DNAH2: variants seen among roughly 807,000 people sequenced by gnomAD.
The protein encoded by DNAH2 is dynein axonemal heavy chain 2.
A neutral mutation model predicts 523.5 loss-of-function variants in DNAH2; 323 were observed. The ratio of observed to expected loss-of-function variants is 0.62; its 90% CI spans 0.56 to 0.68. DNAH2 has a LOEUF of 0.68. Ranked by LOEUF, DNAH2 falls within the 30% of genes least tolerant of loss-of-function variation. DNAH2 has a pLI of 0.00. For synonymous variants in DNAH2, 2,093 were observed against 2,177.4 expected (o/e 0.96, Z 1.08); for missense variants, 4,907 against 5,701.5 (o/e 0.86, Z 4.49).
chr17:7,763,211 T>C (rs376870602), intron 18 of DNAH2, among the ~76,000 whole-genome samples: 1 of 152,260 alleles, frequency 6.6e-6, no homozygotes, highest in East Asian at 1.9e-4. Flanking sequence ...CAGGCTGGAG[T>C]GCAGTGGCGC....
rs2076794361 is a variant in DNAH2, at chr17:7,788,121, G to C, written c.6777G>C (p.Lys2259Asn). The part of the protein sequence containing the change: ...EVEPLQRMFE[K>N]LINKMLAFKK... ...AGCCCCTTCAACGCATGTTCGAAAA[G>C]CTCATCAACAAGATGCTGGCCTTTA... Residue 2259 changes from lysine to asparagine, a missense_variant, in exon 44 of 86, where the codon AAG becomes AAC. Lys to Asn is a moderately conservative substitution (Grantham distance 94). This residue lies in a region of DNAH2 where 2,806 missense variants were observed against 3,190.8 expected (regional missense o/e 0.88). Coordinates refer to ENST00000572933, the MANE Select transcript of DNAH2 (RefSeq NM_020877.5). 1.2e-6 allele frequency: 2 copies of C among 1,614,116 alleles called. No homozygotes were observed. The highest frequency in any genetic ancestry group is 2.2e-5 in the East Asian group (1 of 44,896).
At chr17:7,813,100 A>C (rs927518877) in intron 63 of DNAH2, among the ~76,000 whole-genome samples, 2 of 152,234 alleles carry the variant, frequency 1.3e-5, no homozygotes, top group African/African-American at 4.8e-5. Context: ...GAACAGGGTT[A>C]GGAGGAAGAT....
intron 20 of DNAH2, among the ~76,000 whole-genome samples, chr17:7,764,840 A>ATTTT (rs35687021): frequency 8.0e-4 from 21 of 26,272 alleles, no homozygotes; most frequent in Non-Finnish European, 1.4e-3. Context: ...CAGCTTTTGG[A>ATTTT]TTTTTTTTTT....
At chr17:7,742,862 G>GTGGTC in intron 11 of DNAH2, 66 bp from the exon 12 acceptor site, 1 of 1,230,972 alleles carries the variant, frequency 8.1e-7, no homozygotes, top group Non-Finnish European at 1.1e-6. Flanking sequence ...GTAGGTCTCA[G>GTGGTC]GGAGATGGTG....
At chr17:7,783,679 T>G (rs2076661775) in intron 39 of DNAH2, among the ~76,000 whole-genome samples, 1 of 151,740 alleles carries the variant, frequency 6.6e-6, no homozygotes, top group Non-Finnish European at 1.5e-5. Flanking sequence ...ATGCTTGTAG[T>G]CTCAGCTATT....
rs1364906332 is a variant in DNAH2, at chr17:7,754,365, C to T, written c.1905-2726C>T. On this transcript the variant is annotated intron_variant, in intron 12 of 85. Transcript: ENST00000572933. The surrounding 1 kb of genome is among the most constrained non-coding windows in gnomAD (Gnocchi z 4.6). Reference sequence around the variant, plus strand: ...CAGCCCAGGCTTCCGGTTCTAGGTGCTTCAGGAGCCGTGGCTTAAGGTGCA... The same window carrying T: ...CAGCCCAGGCTTCCGGTTCTAGGTGTTTCAGGAGCCGTGGCTTAAGGTGCA... 2.0e-6 allele frequency: 1 copy of T among 495,846 alleles called. No homozygotes were observed. The highest frequency in any genetic ancestry group is 3.6e-6 in the Non-Finnish European group (1 of 280,242). 30.7% of individuals were successfully genotyped at this position (495,846 alleles called of 1,614,324 possible).
At position 7,743,390 on chromosome 17, in the gene DNAH2, G is replaced by A. The variant is rs185253846; in HGVS notation, c.1904+248G>A. ...ACAAAACAAAACAATGATCGGCCAG[G>A]CACGGTGGCTCACACCTGTAATCCC... On this transcript the variant is annotated intron_variant, in intron 12 of 85. Coordinates refer to ENST00000572933, the MANE Select transcript of DNAH2 (RefSeq NM_020877.5). 47 of 702,612 alleles carry A rather than the reference G, an allele frequency of 6.7e-5. No homozygotes were observed. The East Asian group carries it at 1.2e-3, about 18-fold the overall frequency. 43.5% of individuals were successfully genotyped at this position (702,612 alleles called of 1,614,324 possible).
In DNAH2 at chr17:7,776,854, G is replaced by A. The variant is rs2076466782; in HGVS notation, c.5023G>A (p.Asp1675Asn). The change falls in exon 32 of 86, where the codon GAC (aspartate) becomes AAC (asparagine). Residue 1675 changes from aspartate to asparagine, a missense_variant. Asp to Asn is a conservative substitution (Grantham distance 23). This residue lies in a region of DNAH2 where 2,806 missense variants were observed against 3,190.8 expected (regional missense o/e 0.88). Transcript: ENST00000572933. ...CCTGCTGACAGCGAAGGAGCGGGCAGACAAGAAAATCCTCAAGGTCATGAA... is the reference window on the plus strand; with the variant it reads ...CCTGCTGACAGCGAAGGAGCGGGCAAACAAGAAAATCCTCAAGGTCATGAA... ...KCLLTAKERA[D>N]KKILKVMKKN... The A allele has an allele frequency of 6.2e-7, 1 of 1,612,374 alleles. No homozygotes were observed. The highest frequency in any genetic ancestry group is 8.5e-7 in the Non-Finnish European group (1 of 1,178,886).
intron 35 of DNAH2, 59 bp from the exon 36 acceptor site, chr17:7,779,184 C>T (rs370363002): frequency 4.2e-5 from 66 of 1,587,344 alleles, no homozygotes; most frequent in South Asian, 1.8e-4. Flanking sequence ...GCGTTAATCA[C>T]GCTTTCTAGC....
rs747253354 is a variant in DNAH2 at position 7,719,782 on chromosome 17, C to A, written c.48C>A (p.Ser16Arg). 3 of 1,614,198 alleles carry A rather than the reference C, an allele frequency of 1.9e-6. No individual in the cohort carries two copies. Among genetic ancestry groups the A allele is most frequent in the Non-Finnish European group, 2.5e-6 (3 of 1,180,038 alleles). The change falls in exon 2 of 86, where the codon AGC becomes AGA. Residue 16 changes from serine to arginine, a missense_variant. By Grantham distance (110) the Ser-to-Arg change is moderately radical. This residue lies in a region of DNAH2 where 2,806 missense variants were observed against 3,190.8 expected (regional missense o/e 0.88). Transcript: ENST00000572933. ...EKKQRLSGRG[S>R]SQASWSGRAT... ...AGCAGCGATTGAGTGGCCGAGGAAG[C>A]TCCCAGGCAAGCTGGTCAGGGCGGG...
intron 2 of DNAH2, among the ~76,000 whole-genome samples, chr17:7,723,000 C>T (rs553200515): frequency 4.6e-4 from 54 of 118,086 alleles, no homozygotes; most frequent in African/African-American, 9.3e-4. Context: ...ACAGAGTCTT[C>T]GCTCTGTTGC....
intron 11 of DNAH2, among the ~76,000 whole-genome samples, chr17:7,742,108 C>A (rs2075371392): frequency 6.6e-6 from 1 of 151,922 alleles, no homozygotes; most frequent in Non-Finnish European, 1.5e-5. Context: ...AAAGACAGCA[C>A]AAAGAAACAA....
At chr17:7,733,475 C>CTTTTTTT (rs1199721840) in intron 5 of DNAH2, among the ~76,000 whole-genome samples, 160 bp downstream of exon 5, 9 of 113,858 alleles carry the variant, frequency 7.9e-5, no homozygotes, top group Admixed American at 2.6e-4. Context: ...CCTTCTTCTT[C>CTTTTTTT]TTTTTTTTTT....
chr17:7,794,270 C>T lies in DNAH2; in HGVS notation c.7586C>T (p.Ala2529Val). Residue 2529 changes from alanine to valine, a missense_variant, in exon 49 of 86, where the codon GCT (alanine) becomes GTT (valine). Physicochemically the swap from Ala to Val is moderately conservative, Grantham distance 64. Coordinates refer to ENST00000572933, the MANE Select transcript of DNAH2 (RefSeq NM_020877.5). ...IKYIREMFLM[A>V]AMGPPGGGRT... ...GCTCTCTAGGAAATGTTCCTGATGG[C>T]TGCCATGGGCCCCCCTGGGGGTGGA... 1 of 1,608,360 alleles carries T rather than the reference C, an allele frequency of 6.2e-7. No homozygotes were observed. The highest frequency in any genetic ancestry group is 8.5e-7 in the Non-Finnish European group (1 of 1,177,490).
At chr17:7,790,002 G>A (rs1427760001) in intron 44 of DNAH2, among the ~76,000 whole-genome samples, 4 of 152,106 alleles carry the variant, frequency 2.6e-5, no homozygotes, top group Non-Finnish European at 5.9e-5. Flanking sequence ...CTCCACCCAC[G>A]GGCCTGTGTC....
At chr17:7,767,031 A>G (rs1342097925) in intron 22 of DNAH2, among the ~76,000 whole-genome samples, 1 of 151,704 alleles carries the variant, frequency 6.6e-6, no homozygotes, top group Admixed American at 6.6e-5. Context: ...CATTTTTATT[A>G]CCCTAAAGGA....
intron 24 of DNAH2, 67 bp from the exon 25 acceptor site, chr17:7,770,185 C>T: frequency 6.6e-7 from 1 of 1,510,496 alleles, no homozygotes; most frequent in East Asian, 2.3e-5. Context: ...CATAGTGTCC[C>T]AGTGGGAGAC....
In DNAH2 at chr17:7,780,855, C is replaced by A; in HGVS notation, c.6003+73C>A. On this transcript the variant is annotated intron_variant, in intron 38 of 85. Transcript: ENST00000572933. The surrounding 1 kb of genome is among the most constrained non-coding windows in gnomAD (Gnocchi z 4.4). ...CCTATGTCACTTCTCTCAAGTCTTT[C>A]AGACCCTTTCTTTCCTCAGATTGGG... is the stretch of plus-strand genomic sequence containing the variant. 1 of 1,602,782 alleles carries A rather than the reference C, an allele frequency of 6.2e-7. No homozygotes were observed. Among genetic ancestry groups the A allele is most frequent in the Non-Finnish European group, 8.5e-7 (1 of 1,173,204 alleles).
rs748282428 is a variant in DNAH2, at chr17:7,804,363, A to T, written c.9080A>T (p.Glu3027Val). The change falls in exon 59 of 86, where the codon GAG (glutamate) becomes GTG (valine). Residue 3027 changes from glutamate (E) to valine (V), a missense_variant. Transcript: ENST00000572933. Reference sequence around the variant, plus strand: ...GAAAAGGTGCAAGTGATGTCGTTGGAGCTGGAGGATGCCAAGAAGAAGGTG... The same window carrying T: ...GAAAAGGTGCAAGTGATGTCGTTGGTGCTGGAGGATGCCAAGAAGAAGGTG... ...TREKVQVMSL[E>V]LEDAKKKVAE... 1 of 1,614,142 alleles carries T rather than the reference A, an allele frequency of 6.2e-7. No homozygotes were observed. Among genetic ancestry groups the T allele is most frequent in the Non-Finnish European group, 8.5e-7 (1 of 1,180,024 alleles).
Sources: gnomAD v4.1 joint callset for allele counts (sites outside exome capture counted in the v4.1 genomes callset) on GRCh38, gnomAD v4.1.1 for gene constraint, gnomAD v4.1.1 regional missense constraint, Gnocchi (gnomAD v3.1) non-coding constraint, MANE v1.5 for transcripts, NCBI Gene and HGNC (gene_info 2026-07-23, HGNC 2026-07-21) for gene names.